The following DCLK1 variants were observed in gnomAD, a reference collection of about 807,000 sequenced individuals.
The protein encoded by DCLK1 is doublecortin like kinase 1.
DCLK1 carries 16 observed loss-of-function variants against 86.2 expected under a neutral mutation model. The observed-to-expected ratio is 0.19, with a 90% confidence interval of 0.13 to 0.28. DCLK1 has a LOEUF of 0.28. DCLK1 is among the 10% of genes least tolerant of loss of function. The pLI is 1.00. For synonymous variants in DCLK1, 369 were observed against 370.5 expected, an observed-to-expected ratio of 1.00 and a Z score of 0.05; for missense variants, 590 against 940.2, an observed-to-expected ratio of 0.63 and a Z score of 4.87.
At chr13:35,816,781 G>A (rs1450099450) in intron 11 of DCLK1, among the ~76,000 whole-genome samples, 1 of 152,092 alleles carries the variant, frequency 6.6e-6, no homozygotes, top group Non-Finnish European at 1.5e-5. Flanking sequence ...TCAGTGCCCT[G>A]AGATAACTTA....
chr13:35,867,955 A>AAG (rs1367758420), intron 5 of DCLK1, among the ~76,000 whole-genome samples: 42 of 148,266 alleles, frequency 2.8e-4, no homozygotes, highest in African/African-American at 9.7e-4. Flanking sequence ...GAAAGAAAGA[A>AAG]AGAAAGAAAG....
At position 35,953,494 on chromosome 13, in the gene DCLK1, G is replaced by A. The variant is rs74516551; in HGVS notation, c.724-6037C>T. 7.3e-4 allele frequency among the ~76,000 whole-genome samples: 111 copies of A among 152,232 alleles called. No individual in the cohort carries two copies. In the East Asian group the frequency reaches 0.02, roughly 27 times the overall value. ...CGAATTATTCCTTTGGCTCAAGGAAGACATATTCCTTTTTCTGACTCTCTT... is the reference window on the plus strand; with the variant it reads ...CGAATTATTCCTTTGGCTCAAGGAAAACATATTCCTTTTTCTGACTCTCTT... On this transcript the variant is annotated intron_variant, in intron 3 of 16. Transcript: ENST00000360631.
intron 6 of DCLK1, chr13:35,850,530 A>T (rs1450649195): frequency 5.6e-6 from 7 of 1,252,784 alleles, no homozygotes; most frequent in East Asian, 3.3e-5. Context: ...AGATATTTTT[A>T]AAAATCTCTC....
At chr13:36,098,609 A>G (rs139406063) in intron 3 of DCLK1, among the ~76,000 whole-genome samples, 2 of 152,358 alleles carry the variant, frequency 1.3e-5, no homozygotes, top group African/African-American at 2.4e-5. Flanking sequence ...CCAATCCTCA[A>G]AATAGATCCA....
At chr13:36,024,285 G>C (rs1372268464) in intron 3 of DCLK1, among the ~76,000 whole-genome samples, 1 of 151,926 alleles carries the variant, frequency 6.6e-6, no homozygotes, top group African/African-American at 2.4e-5. Flanking sequence ...GATTGGAAAA[G>C]AAGAAATAAA....
intron 4 of DCLK1, among the ~76,000 whole-genome samples, chr13:35,894,233 A>G (rs1033625611): frequency 2.0e-5 from 3 of 152,174 alleles, no homozygotes; most frequent in Non-Finnish European, 2.9e-5. Context: ...CCCAACATGC[A>G]TGACCTTACT....
intron 6 of DCLK1, chr13:35,849,042 G>A (rs1373094838): frequency 3.0e-6 from 3 of 985,200 alleles, no homozygotes; most frequent in Non-Finnish European, 3.6e-6. Flanking sequence ...TCAGTTTGCA[G>A]CTCTTGAATA....
intron 10 of DCLK1, among the ~76,000 whole-genome samples, chr13:35,824,429 C>A (rs1331488602): frequency 6.6e-6 from 1 of 152,180 alleles, no homozygotes; most frequent in Non-Finnish European, 1.5e-5. Context: ...ATCTTCCTGC[C>A]TTGGCCTCCC....
rs560977877 is a variant in DCLK1 at position 35,969,103 on chromosome 13, C to T, written c.724-21646G>A. Among the ~76,000 whole-genome samples, 245 of 152,250 alleles carry T rather than the reference C, an allele frequency of 1.6e-3. 1 individual carries two copies. The highest frequency in any genetic ancestry group is 2.9e-3 in the Non-Finnish European group (197 of 68,006). ...AGGGTACAGTGTCTCAGGGAATTTT[C>T]ACTTCTCCTGCAACTATAATGAGCA... is the stretch of plus-strand genomic sequence containing the variant. On this transcript the variant is annotated intron_variant, in intron 3 of 16. Transcript: ENST00000360631.
intron 3 of DCLK1, among the ~76,000 whole-genome samples, chr13:36,049,879 G>A (rs1883063563): frequency 6.6e-6 from 1 of 152,218 alleles, no homozygotes; most frequent in South Asian, 2.1e-4. Flanking sequence ...ATACAAATAT[G>A]ACTGAAAACC....
intron 3 of DCLK1, among the ~76,000 whole-genome samples, chr13:36,033,363 T>C (rs1248533994): frequency 3.3e-5 from 5 of 152,214 alleles, no homozygotes; most frequent in Non-Finnish European, 5.9e-5. Flanking sequence ...AAAGTAGTGA[T>C]AATACTTTCT....
chr13:35,869,107 A>G (rs748411030), intron 5 of DCLK1: 4 of 511,566 alleles, frequency 7.8e-6, no homozygotes, highest in South Asian at 5.8e-5. Context: ...CCCAGATTTA[A>G]TCAGAGAAAG....
At chr13:36,092,449 G>A (rs954884633) in intron 3 of DCLK1, among the ~76,000 whole-genome samples, 1 of 150,144 alleles carries the variant, frequency 6.7e-6, no homozygotes, top group African/African-American at 2.5e-5. Context: ...CTACCCTGCT[G>A]CCCAAGGCAT....
chr13:36,113,082 T>A (rs960556095), intron 2 of DCLK1, among the ~76,000 whole-genome samples: 1 of 152,200 alleles, frequency 6.6e-6, no homozygotes, highest in Middle Eastern at 3.2e-3. Flanking sequence ...TTGTAATGGC[T>A]TTTTTTCTGT....
intron 16 of DCLK1, among the ~76,000 whole-genome samples, chr13:35,784,400 C>T (rs921013716): frequency 6.6e-6 from 1 of 152,172 alleles, no homozygotes; most frequent in African/African-American, 2.4e-5. Flanking sequence ...AATAAAACCT[C>T]AGTGAGCAAC....
At chr13:35,927,986 T>C (rs993291241) in intron 4 of DCLK1, among the ~76,000 whole-genome samples, 12 of 152,214 alleles carry the variant, frequency 7.9e-5, no homozygotes, top group Non-Finnish European at 1.2e-4. Context: ...GCTCCACTTA[T>C]GGGCCTCTCC....
At chr13:35,911,955 C>T (rs1347220297) in intron 4 of DCLK1, among the ~76,000 whole-genome samples, 3 of 152,144 alleles carry the variant, frequency 2.0e-5, no homozygotes, top group African/African-American at 4.8e-5. Context: ...AGCTGTGGGA[C>T]CCTGGAGAGG....
At chr13:35,865,395 C>T (rs1229720699) in intron 5 of DCLK1, among the ~76,000 whole-genome samples, 2 of 152,196 alleles carry the variant, frequency 1.3e-5, no homozygotes, top group African/African-American at 4.8e-5. Flanking sequence ...TAAGAAGCAG[C>T]TAGAAGTCAT....
intron 6 of DCLK1, chr13:35,850,673 A>G: frequency 6.7e-7 from 1 of 1,493,408 alleles, no homozygotes. Context: ...CAGAAATGTG[A>G]AACCTTCACC....
Sources: allele counts gnomAD v4.1 joint callset (sites outside exome capture counted in the v4.1 genomes callset), GRCh38; gene constraint gnomAD v4.1.1; transcripts MANE v1.5; gene names NCBI Gene and HGNC (gene_info 2026-07-23, HGNC 2026-07-21).